The following TDRD7 variants were observed in gnomAD, a reference collection of about 807,000 sequenced individuals.
TDRD7 encodes the protein tudor domain-containing protein 7.
TDRD7 carries 47 observed loss-of-function variants against 109.8 expected under a neutral mutation model. The observed-to-expected ratio is 0.43, with a 90% CI of 0.34 to 0.55. TDRD7 has a LOEUF of 0.55. Ranked by LOEUF, TDRD7 falls within the 20% of genes least tolerant of loss-of-function variation. The probability of loss-of-function intolerance (pLI) is 0.03; values close to 1 mark genes in which losing one functional copy is unlikely to be tolerated. For missense variants in TDRD7, 1,164 were observed against 1,319.2 expected (o/e 0.88, Z 1.82); for synonymous variants, 424 against 457.3 (o/e 0.93, Z 0.93).
At chr9:97,450,175 A>AGT (rs754376942) in intron 6 of TDRD7, among the ~76,000 whole-genome samples, 3 of 151,950 alleles carry the variant, frequency 2.0e-5, no homozygotes, top group Non-Finnish European at 4.4e-5. Flanking sequence ...TGGGGGTGGG[A>AGT]GTGTACACAT....
At chr9:97,454,394 T>C (rs754139478) in intron 6 of TDRD7, among the ~76,000 whole-genome samples, 20 of 152,062 alleles carry the variant, frequency 1.3e-4, no homozygotes, top group Non-Finnish European at 1.0e-4. Context: ...GGAGGAAAAA[T>C]GGCGTGCACC....
intron 6 of TDRD7, among the ~76,000 whole-genome samples, chr9:97,446,656 T>G (rs1452525731): frequency 6.6e-6 from 1 of 152,202 alleles, no homozygotes; most frequent in East Asian, 1.9e-4. Flanking sequence ...TATAGCAGTT[T>G]CTCTAATATC....
Position 97,441,712 on chromosome 9 carries a change from C to T in TDRD7, c.692C>T (p.Thr231Ile), listed in dbSNP as rs756033246. 4 of 1,613,304 alleles carry T rather than the reference C, an allele frequency of 2.5e-6. No homozygotes were observed. The highest frequency in any genetic ancestry group is 1.3e-5 in the African/African-American group (1 of 74,856). The change falls in exon 6 of 17, where the codon ACT (threonine) becomes ATT (isoleucine). Residue 231 changes from threonine to isoleucine, a missense_variant. Transcript: ENST00000355295. ...KPNVKPPASY[T>I]YKMDEVQNRI... is the part of the protein sequence containing the mutation. ...AATGTCAAGCCTCCTGCCTCTTACA[C>T]TTATAAAATGGATGAGGTTCAAAAT...
chr9:97,414,234 T>C (rs1353821717), intron 1 of TDRD7, among the ~76,000 whole-genome samples: 1 of 152,250 alleles, frequency 6.6e-6, no homozygotes, highest in African/African-American at 2.4e-5. Flanking sequence ...GCCAAATATG[T>C]TTACAGTTTT....
intron 5 of TDRD7, among the ~76,000 whole-genome samples, chr9:97,440,205 ACTT>A (rs1235132119): frequency 2.0e-5 from 3 of 152,220 alleles, no homozygotes; most frequent in Non-Finnish European, 4.4e-5. Context: ...AGTATAAACT[ACTT>A]CTACAGAAAC....
At chr9:97,450,410 G>A (rs970775953) in intron 6 of TDRD7, among the ~76,000 whole-genome samples, 9 of 152,124 alleles carry the variant, frequency 5.9e-5, no homozygotes, top group South Asian at 2.1e-4. Context: ...ACTAGATGCC[G>A]TAAAAGTTCC....
chr9:97,423,515 A>T (rs1364496473), intron 1 of TDRD7, among the ~76,000 whole-genome samples: 1 of 151,492 alleles, frequency 6.6e-6, no homozygotes, highest in African/African-American at 2.4e-5. Context: ...GATCTGTTTC[A>T]TCATTTCAGA....
chr9:97,467,423 G>A (rs1828839404), intron 8 of TDRD7, among the ~76,000 whole-genome samples: 1 of 152,122 alleles, frequency 6.6e-6, no homozygotes, highest in Admixed American at 6.5e-5. Flanking sequence ...GCCATTTCTA[G>A]CTGTGTGGCC....
chr9:97,478,705 C>A, intron 13 of TDRD7, 132 bp downstream of exon 13: 1 of 1,319,316 alleles, frequency 7.6e-7, no homozygotes, highest in Non-Finnish European at 1.1e-6. Context: ...ATGTGGTTGT[C>A]TGCTGGTTTT....
At chr9:97,460,948 T>G (rs994429515) in intron 7 of TDRD7, among the ~76,000 whole-genome samples, 184 bp downstream of exon 7, 4 of 152,248 alleles carry the variant, frequency 2.6e-5, no homozygotes, top group Admixed American at 2.0e-4. Flanking sequence ...GAGACCATCC[T>G]GGCTAACATG....
Position 97,483,125 on chromosome 9 carries a change from T to G in TDRD7, c.2689T>G (p.Ser897Ala). ...KSMVDHTSAF[S>A]TEELPPPVHL... Reference sequence around the variant, plus strand: ...CATGGTGGACCATACGAGCGCTTTCTCCACAGAGGAACTGCCACCTCCTGT... The same window carrying G: ...CATGGTGGACCATACGAGCGCTTTCGCCACAGAGGAACTGCCACCTCCTGT... The change falls in exon 15 of 17, where the codon TCC (serine) becomes GCC (alanine). Residue 897 changes from serine to alanine, a missense_variant. Transcript: ENST00000355295. 6.2e-7 allele frequency: 1 copy of G among 1,614,142 alleles called. No homozygotes were observed. Among genetic ancestry groups the G allele is most frequent in the Non-Finnish European group, 8.5e-7 (1 of 1,180,028 alleles).
intron 6 of TDRD7, among the ~76,000 whole-genome samples, chr9:97,450,940 T>A (rs551612178): frequency 6.6e-6 from 1 of 151,802 alleles, no homozygotes; most frequent in African/African-American, 2.4e-5. Context: ...GAGTGATGAC[T>A]GGCAACCCCT....
rs1421284769 is a variant in TDRD7 at position 97,483,027 on chromosome 9, A to G, written c.2591A>G (p.Asn864Ser). 1 of 1,614,208 alleles carries G rather than the reference A, an allele frequency of 6.2e-7. No individual in the cohort carries two copies. Among genetic ancestry groups the G allele is most frequent in the East Asian group, 2.2e-5 (1 of 44,880 alleles). Residue 864 changes from asparagine (N) to serine (S), a missense_variant, in exon 15 of 17, where the codon AAT (asparagine) becomes AGT (serine). By Grantham distance (46) the Asn-to-Ser change is conservative. Coordinates refer to ENST00000355295, the MANE Select transcript of TDRD7 (RefSeq NM_014290.3). ...GGAGCTGACTCTCCCAACAGCAAAA[A>G]TGGCAACATGCCCATGTCGGGCAAC... The part of the protein sequence containing the change: ...SSGADSPNSK[N>S]GNMPMSGNTG...
At chr9:97,443,616 C>T (rs1311652647) in intron 6 of TDRD7, among the ~76,000 whole-genome samples, 2 of 152,208 alleles carry the variant, frequency 1.3e-5, no homozygotes, top group African/African-American at 2.4e-5. Context: ...CCTTAGAAGT[C>T]TCATTAGGCT....
At chr9:97,426,465 T>A (rs1827995521) in intron 1 of TDRD7, among the ~76,000 whole-genome samples, 1 of 152,154 alleles carries the variant, frequency 6.6e-6, no homozygotes, top group African/African-American at 2.4e-5. Flanking sequence ...TTGCCCAGGC[T>A]GGTCTCAAAC....
intron 13 of TDRD7, among the ~76,000 whole-genome samples, chr9:97,478,927 G>A (rs1829068942): frequency 6.6e-6 from 1 of 151,302 alleles, no homozygotes; most frequent in Admixed American, 6.6e-5. Context: ...GTTTATTTAG[G>A]TAACCATTTT....
chr9:97,486,828 A>AG (rs1238587641), intron 15 of TDRD7, among the ~76,000 whole-genome samples: 1 of 152,124 alleles, frequency 6.6e-6, no homozygotes, highest in East Asian at 1.9e-4. Flanking sequence ...CCTTCAGTGA[A>AG]GGGATCCCCT....
At chr9:97,438,988 C>G (rs1828249646) in intron 4 of TDRD7, among the ~76,000 whole-genome samples, 1 of 152,046 alleles carries the variant, frequency 6.6e-6, no homozygotes, top group Non-Finnish European at 1.5e-5. Flanking sequence ...AATTGGAATT[C>G]TGACATCCAA....
chr9:97,429,191 A>G (rs1256218884), intron 2 of TDRD7, among the ~76,000 whole-genome samples: 1 of 152,104 alleles, frequency 6.6e-6, no homozygotes, highest in Non-Finnish European at 1.5e-5. Context: ...CTTCACACCA[A>G]TATGATCATA....
Sources: gnomAD v4.1 joint callset for allele counts (sites outside exome capture counted in the v4.1 genomes callset) on GRCh38, gnomAD v4.1.1 for gene constraint, MANE v1.5 for transcripts, NCBI Gene and HGNC (gene_info 2026-07-23, HGNC 2026-07-21) for gene names.